The following RFPL2 variants were observed in gnomAD, a reference collection of about 807,000 sequenced individuals.
The protein encoded by RFPL2 is ret finger protein like 2, also known as ret finger protein-like 2.
A neutral mutation model predicts 17.8 loss-of-function variants in RFPL2; 13 were observed. The observed-to-expected ratio is 0.73, with a 90% CI of 0.47 to 1.16. RFPL2 has a LOEUF of 1.16. RFPL2 is among the 50% of genes most tolerant of loss of function. The probability of loss-of-function intolerance (pLI) is 0.00; values close to 1 mark genes in which losing one functional copy is unlikely to be tolerated. For missense variants in RFPL2, 431 were observed against 479.3 expected, an observed-to-expected ratio of 0.90 and a Z score of 0.94; for synonymous variants, 189 against 180.9, an observed-to-expected ratio of 1.04 and a Z score of -0.36.
intron 4 of RFPL2, among the ~76,000 whole-genome samples, chr22:32,191,783 T>C (rs1922684034): frequency 6.6e-6 from 1 of 152,204 alleles, no homozygotes; most frequent in African/African-American, 2.4e-5. Context: ...CAGGCCTTTG[T>C]TTTCCATGTT....
Position 32,191,113 on chromosome 22 carries a change from C to A in RFPL2, c.796G>T (p.Gly266Trp). 6.2e-7 allele frequency: 1 copy of A among 1,614,010 alleles called. No homozygotes were observed. Among genetic ancestry groups the A allele is most frequent in the Non-Finnish European group, 8.5e-7 (1 of 1,179,882 alleles). Residue 266 changes from glycine to tryptophan, a missense_variant, in exon 5 of 5, where the codon GGG (glycine) becomes TGG (tryptophan). Gly to Trp is a radical substitution (Grantham distance 184). Transcript: ENST00000652607. The part of the protein sequence containing the change: ...GVCRESVHRK[G>W]RIQLTTELGF... Reference sequence around the variant, plus strand: ...AGCTCTGTGGTCAGCTGGATCCTCCCTTTGCGGTGAACAGATTCTCTGCAG... The same window carrying A: ...AGCTCTGTGGTCAGCTGGATCCTCCATTTGCGGTGAACAGATTCTCTGCAG...
rs1924374749 is a variant in RFPL2 at position 32,205,024 on chromosome 22, G to T, written c.-417C>A. The T allele has an allele frequency of 2.0e-5, 3 of 152,246 alleles. No homozygotes were observed. The highest frequency in any genetic ancestry group is 1.5e-5 in the Non-Finnish European group (1 of 68,074). The allele number at this position is 152,246 out of a possible 1,614,324, so 9.4% of individuals were successfully genotyped here. The stretch of plus-strand genomic sequence containing the variant: ...CTCAGTATATAAAGGATGCCAAGAG[G>T]GGTGGCTTGCCCTTCCAGGCTCATC... On this transcript the variant is annotated 5_prime_UTR_variant, in exon 1 of 5. Coordinates refer to ENST00000652607, the MANE Select transcript of RFPL2 (RefSeq NM_001394555.1).
intron 3 of RFPL2, among the ~76,000 whole-genome samples, chr22:32,194,050 G>A (rs1923042075): frequency 6.6e-6 from 1 of 150,510 alleles, no homozygotes; most frequent in Non-Finnish European, 1.5e-5. Flanking sequence ...ATCACGCCAA[G>A]TCACTCCAAC....
At chr22:32,199,513 C>T (rs2123799145) in intron 2 of RFPL2, among the ~76,000 whole-genome samples, 1 of 152,232 alleles carries the variant, frequency 6.6e-6, no homozygotes, top group African/African-American at 2.4e-5. Context: ...AGGTGAGAGA[C>T]TCACTCTCTC....
chr22:32,194,297 A>G (rs769311094), intron 3 of RFPL2, 48 bp downstream of exon 3: 3 of 1,582,796 alleles, frequency 1.9e-6, no homozygotes, highest in Admixed American at 4.0e-5. Flanking sequence ...CATAACCCCC[A>G]TTTCTAGGCA....
chr22:32,190,612 G>C lies in RFPL2; in HGVS notation c.*160C>G, dbSNP rs1379321169. 1.5e-6 allele frequency: 1 copy of C among 661,982 alleles called. No homozygotes were observed. Among genetic ancestry groups the C allele is most frequent in the East Asian group, 3.0e-5 (1 of 33,624 alleles). 41.0% of individuals were successfully genotyped at this position (661,982 alleles called of 1,614,324 possible). On this transcript the variant is annotated 3_prime_UTR_variant, in exon 5 of 5. Coordinates refer to ENST00000652607, the MANE Select transcript of RFPL2 (RefSeq NM_001394555.1). ...TGATGGTGGCAATAATTAATACTTA[G>C]GACTCTATAATCTAATCAAATTAGA...
At chr22:32,200,107 A>G (rs560813647) in intron 2 of RFPL2, 2 of 409,206 alleles carry the variant, frequency 4.9e-6, no homozygotes, top group African/African-American at 2.1e-5. Context: ...CAGAGCAACA[A>G]GTACACAGCC....
At chr22:32,197,408 T>A (rs1923450826) in intron 2 of RFPL2, among the ~76,000 whole-genome samples, 1 of 152,126 alleles carries the variant, frequency 6.6e-6, no homozygotes, top group East Asian at 1.9e-4. Context: ...TCTTTTTTTT[T>A]ACTTCATTTT....
At chr22:32,191,392 A>G (rs773274727) in intron 4 of RFPL2, 40 bp from the exon 5 acceptor site, 1 of 1,577,704 alleles carries the variant, frequency 6.3e-7, no homozygotes, top group Non-Finnish European at 8.6e-7. Context: ...AATGGACAGA[A>G]ACCAACCCTA....
chr22:32,200,380 T>A, intron 2 of RFPL2: 1 of 184,644 alleles, frequency 5.4e-6, no homozygotes. Flanking sequence ...GAAATCCTGC[T>A]CCCTCTCTTC....
chr22:32,194,853 T>C (rs1174870435), intron 2 of RFPL2, among the ~76,000 whole-genome samples: 4 of 152,266 alleles, frequency 2.6e-5, no homozygotes, highest in Admixed American at 2.0e-4. Context: ...AGGTACTTTT[T>C]ATTTGTTTCC....
rs201412314 is a variant in RFPL2 at position 32,193,000 on chromosome 22, C to A, written c.458G>T (p.Arg153Leu). ...AGCCAGCCTCTCTAGCTGCCGATTGCGCCTGATTTTGTTCTTCCGAGAGAC... is the reference window on the plus strand; with the variant it reads ...AGCCAGCCTCTCTAGCTGCCGATTGAGCCTGATTTTGTTCTTCCGAGAGAC... ...SMVSRKNKIR[R>L]NRQLERLASH... Residue 153 changes from arginine to leucine, a missense_variant, in exon 4 of 5, where the codon CGC (arginine) becomes CTC (leucine). Arg to Leu is a moderately radical substitution (Grantham distance 102). Coordinates refer to ENST00000652607, the MANE Select transcript of RFPL2 (RefSeq NM_001394555.1). The A allele has an allele frequency of 1.8e-5, 29 of 1,614,136 alleles. No individual in the cohort carries two copies. In the South Asian group the frequency reaches 2.5e-4, roughly 14 times the overall value.
chr22:32,192,650 G>A (rs1366119900), intron 4 of RFPL2, among the ~76,000 whole-genome samples: 1 of 152,206 alleles, frequency 6.6e-6, no homozygotes, highest in Non-Finnish European at 1.5e-5. Flanking sequence ...AGATCCCCAG[G>A]TAATCTGAGC....
chr22:32,204,818 T>C lies in RFPL2; in HGVS notation c.-211A>G, dbSNP rs775432379. Among the ~76,000 whole-genome samples the C allele has an allele frequency of 2.0e-5, 3 of 152,222 alleles. No individual in the cohort carries two copies. Among genetic ancestry groups the C allele is most frequent in the Admixed American group, 6.5e-5 (1 of 15,286 alleles). ...AAGGTTTCTGGACTACATGTTCAGA[T>C]TGGATGAGAGAAAAACCTCTAGGTC... On this transcript the variant is annotated 5_prime_UTR_variant, in exon 1 of 5. Coordinates refer to ENST00000652607, the MANE Select transcript of RFPL2 (RefSeq NM_001394555.1).
chr22:32,191,160 C>A lies in RFPL2; in HGVS notation c.749G>T (p.Ser250Ile). Reference protein sequence around the residue: ...RHCWEVDVGTSTEWDLGVCRE... With the variant: ...RHCWEVDVGTITEWDLGVCRE... ...GCAGACTCCCAGGTCCCATTCTGTG[C>A]TTGTTCCCACGTCCACCTCCCAGCA... is the stretch of plus-strand genomic sequence containing the variant. The change falls in exon 5 of 5, where the codon AGC becomes ATC. Residue 250 changes from serine (S) to isoleucine (I), a missense_variant. Coordinates refer to ENST00000652607, the MANE Select transcript of RFPL2 (RefSeq NM_001394555.1). 5 of 1,613,966 alleles carry A rather than the reference C, an allele frequency of 3.1e-6. No individual in the cohort carries two copies. Among genetic ancestry groups the A allele is most frequent in the Non-Finnish European group, 4.2e-6 (5 of 1,179,876 alleles).
chr22:32,202,739 A>C, intron 1 of RFPL2, 189 bp from the exon 2 acceptor site: 2 of 1,175,418 alleles, frequency 1.7e-6, no homozygotes, highest in African/African-American at 1.6e-5. Flanking sequence ...CGGGCTTCCC[A>C]CTCCACAGGA....
In RFPL2 at chr22:32,204,943, A is replaced by G. The variant is rs766886548; in HGVS notation, c.-336T>C. ...AACAAAGCCCGATCAGAGTAGGCCT[A>G]GAGGTTTCTCTCATCCGATCAGACT... is the stretch of plus-strand genomic sequence containing the variant. On this transcript the variant is annotated 5_prime_UTR_variant, in exon 1 of 5. Transcript: ENST00000652607. Among the ~76,000 whole-genome samples the G allele has an allele frequency of 2.0e-5, 3 of 152,266 alleles. No homozygotes were observed. The highest frequency in any genetic ancestry group is 4.4e-5 in the Non-Finnish European group (3 of 68,048).
chr22:32,193,339 G>A, intron 3 of RFPL2, 147 bp from the exon 4 acceptor site: 3 of 1,572,976 alleles, frequency 1.9e-6, no homozygotes, highest in African/African-American at 1.4e-5. Context: ...AAACACTCAA[G>A]CACATCCCCC....
At chr22:32,193,499 G>A in intron 3 of RFPL2, 2 of 1,407,954 alleles carry the variant, frequency 1.4e-6, no homozygotes, top group Non-Finnish European at 1.8e-6. Flanking sequence ...GTGAGGAACA[G>A]CGAGCTGGGG....
Sources: allele counts gnomAD v4.1 joint callset (sites outside exome capture counted in the v4.1 genomes callset), GRCh38; gene constraint gnomAD v4.1.1; transcripts MANE v1.5; gene names NCBI Gene and HGNC (gene_info 2026-07-23, HGNC 2026-07-21).